The following ANKRD17 variants were observed in gnomAD, a reference collection of about 807,000 sequenced individuals.
ANKRD17 encodes the protein ankyrin repeat domain-containing protein 17.
A neutral mutation model predicts 229.7 loss-of-function variants in ANKRD17; 19 were observed. That is an observed-to-expected ratio of 0.08 (90% CI 0.06 to 0.12). The LOEUF (loss-of-function observed/expected upper bound fraction) is 0.12. ANKRD17 is among the 10% of genes least tolerant of loss of function. ANKRD17 has a pLI of 1.00. For missense variants in ANKRD17, 2,176 were observed against 3,176.8 expected, an observed-to-expected ratio of 0.68 and a Z score of 7.57; for synonymous variants, 1,112 against 1,146.1, an observed-to-expected ratio of 0.97 and a Z score of 0.60.
intron 1 of ANKRD17, among the ~76,000 whole-genome samples, chr4:73,179,514 A>ATTTTTTTTT (rs1474647808): frequency 1.5e-5 from 1 of 65,150 alleles, no homozygotes; most frequent in Non-Finnish European, 3.4e-5. Context: ...ATATATATAT[A>ATTTTTTTTT]TATATTTTTT....
At chr4:73,176,819 T>C (rs1219138710) in intron 2 of ANKRD17, among the ~76,000 whole-genome samples, 1 of 152,186 alleles carries the variant, frequency 6.6e-6, no homozygotes, top group East Asian at 1.9e-4. Flanking sequence ...AAATATCTCA[T>C]GTATCCCATA....
At chr4:73,147,844 GTAT>G (rs542019249) in intron 8 of ANKRD17, among the ~76,000 whole-genome samples, 3 of 151,642 alleles carry the variant, frequency 2.0e-5, no homozygotes, top group South Asian at 2.1e-4. Flanking sequence ...ACTTATTTAG[GTAT>G]TATTATTATT....
At chr4:73,239,122 A>C (rs1213620296) in intron 1 of ANKRD17, among the ~76,000 whole-genome samples, 1 of 152,164 alleles carries the variant, frequency 6.6e-6, no homozygotes, top group Non-Finnish European at 1.5e-5. Flanking sequence ...TTATGGATAA[A>C]GTAGTCAACA....
At chr4:73,216,468 T>C (rs1414207062) in intron 1 of ANKRD17, among the ~76,000 whole-genome samples, 1 of 152,152 alleles carries the variant, frequency 6.6e-6, no homozygotes, top group African/African-American at 2.4e-5. Flanking sequence ...GACGCTCAAA[T>C]TTTCCTGTCA....
intron 11 of ANKRD17, among the ~76,000 whole-genome samples, chr4:73,144,350 G>T (rs1377978267): frequency 6.6e-6 from 1 of 152,084 alleles, no homozygotes; most frequent in Non-Finnish European, 1.5e-5. Context: ...TATAAAAAAG[G>T]AAACATAGAA....
chr4:73,196,198 A>G (rs1232523296), intron 1 of ANKRD17, among the ~76,000 whole-genome samples: 1 of 151,696 alleles, frequency 6.6e-6, no homozygotes, highest in Non-Finnish European at 1.5e-5. Flanking sequence ...TGGTTTTGCC[A>G]TGATGGTTAG....
intron 1 of ANKRD17, among the ~76,000 whole-genome samples, chr4:73,218,642 CA>C (rs919657671): frequency 0.081 from 4,845 of 59,710 alleles, 90 homozygotes; most frequent in East Asian, 0.2. Flanking sequence ...GACTCTGTCT[CA>C]AAAAAAAAAA....
At chr4:73,189,225 C>T (rs987873479) in intron 1 of ANKRD17, among the ~76,000 whole-genome samples, 30 of 151,990 alleles carry the variant, frequency 2.0e-4, no homozygotes, top group African/African-American at 7.3e-4. Flanking sequence ...ACAACAACAA[C>T]AAAAACCCAA....
intron 16 of ANKRD17, among the ~76,000 whole-genome samples, chr4:73,127,152 A>C (rs1247665120): frequency 2.0e-5 from 3 of 152,128 alleles, no homozygotes; most frequent in African/African-American, 7.2e-5. Flanking sequence ...GATATACTTT[A>C]AGTAGGGTGA....
intron 1 of ANKRD17, among the ~76,000 whole-genome samples, chr4:73,248,816 C>A (rs2149276641): frequency 6.6e-6 from 1 of 151,656 alleles, no homozygotes; most frequent in Middle Eastern, 3.4e-3. Context: ...ATGAAAACAG[C>A]CACACATAGG....
chr4:73,084,471 T>C (rs1016304336), intron 30 of ANKRD17, among the ~76,000 whole-genome samples: 44 of 146,042 alleles, frequency 3.0e-4, no homozygotes, highest in African/African-American at 1.1e-3. Context: ...TTTTTTGAGA[T>C]GAAGTCTTGC....
chr4:73,239,436 G>C (rs1743806118), intron 1 of ANKRD17, among the ~76,000 whole-genome samples: 1 of 152,132 alleles, frequency 6.6e-6, no homozygotes, highest in South Asian at 2.1e-4. Flanking sequence ...TACCTGACAA[G>C]GGAATACTCA....
chr4:73,174,897 A>G (rs762043770), intron 2 of ANKRD17, among the ~76,000 whole-genome samples: 1 of 152,210 alleles, frequency 6.6e-6, no homozygotes, highest in Admixed American at 6.5e-5. Context: ...GGGAAACTAT[A>G]AAACACTGTT....
Position 73,102,360 on chromosome 4 carries a change from T to C in ANKRD17, c.4573+16A>G. On this transcript the variant is annotated intron_variant, in intron 25 of 33. Coordinates refer to ENST00000358602, the MANE Select transcript of ANKRD17 (RefSeq NM_032217.5). ...TAGAATATAAAACAAATGGGATGGT[T>C]GTTAAGAGAAAATACCTTCAACTTT... is the stretch of plus-strand genomic sequence containing the variant. The C allele has an allele frequency of 6.4e-7, 1 of 1,573,528 alleles. No individual in the cohort carries two copies. The highest frequency in any genetic ancestry group is 8.6e-7 in the Non-Finnish European group (1 of 1,169,124).
intron 23 of ANKRD17, among the ~76,000 whole-genome samples, chr4:73,114,743 C>G (rs1394887283): frequency 6.6e-6 from 1 of 152,084 alleles, no homozygotes. Context: ...AAGTCTAGAG[C>G]TAGGAAAGAC....
chr4:73,097,198 G>T lies in ANKRD17; in HGVS notation c.5096C>A (p.Ser1699Tyr). ...TACTGTTAACTTCCCATTTGGAGAA[G>T]AAAGGGGAGATGGACCAGATTTTGT... is the stretch of plus-strand genomic sequence containing the variant. The part of the protein sequence containing the change: ...TCTKSGPSPL[S>Y]SPNGKLTVAS... Residue 1699 changes from serine (S) to tyrosine (Y), a missense_variant, in exon 27 of 34, where the codon TCT (serine) becomes TAT (tyrosine). Ser to Tyr is a moderately radical substitution (Grantham distance 144). Around this residue, in one of 18 missense-constraint regions of ANKRD17, gnomAD observed 98 missense variants for 101.0 expected, o/e 0.97. Coordinates refer to ENST00000358602, the MANE Select transcript of ANKRD17 (RefSeq NM_032217.5). 2 of 1,612,480 alleles carry T rather than the reference G, an allele frequency of 1.2e-6. No individual in the cohort carries two copies. Among genetic ancestry groups the T allele is most frequent in the Non-Finnish European group, 8.5e-7 (1 of 1,179,290 alleles).
chr4:73,190,050 C>T (rs1352548839), intron 1 of ANKRD17, among the ~76,000 whole-genome samples: 2 of 152,028 alleles, frequency 1.3e-5, no homozygotes, highest in Non-Finnish European at 2.9e-5. Context: ...CTTATTAAGC[C>T]AAAAAGAAAA....
intron 1 of ANKRD17, among the ~76,000 whole-genome samples, chr4:73,202,964 T>C (rs1002340967): frequency 6.6e-6 from 1 of 152,288 alleles, no homozygotes; most frequent in East Asian, 1.9e-4. Flanking sequence ...AACTGAAAGA[T>C]CAAATAGAAT....
intron 1 of ANKRD17, among the ~76,000 whole-genome samples, chr4:73,182,759 G>A (rs1424949184): frequency 6.6e-6 from 1 of 152,132 alleles, no homozygotes; most frequent in African/African-American, 2.4e-5. Context: ...AGCAAATACA[G>A]GAATAAGATA....
Sources: allele counts gnomAD v4.1 joint callset (sites outside exome capture counted in the v4.1 genomes callset), GRCh38; gene constraint gnomAD v4.1.1; regional missense constraint gnomAD v4.1.1; transcripts MANE v1.5; gene names NCBI Gene and HGNC (gene_info 2026-07-23, HGNC 2026-07-21).